Variants in HHAT observed in about 807,000 individuals in gnomAD.
HHAT encodes the protein protein-cysteine N-palmitoyltransferase HHAT.
A neutral mutation model predicts 70.8 loss-of-function variants in HHAT; 47 were observed. The observed-to-expected ratio is 0.66, with a 90% CI of 0.53 to 0.85. The LOEUF (loss-of-function observed/expected upper bound fraction) is 0.85, where lower values mean the gene tolerates loss of function less well. HHAT is among the 40% of genes least tolerant of loss of function. The pLI is 0.00. For missense variants in HHAT, 609 were observed against 604.8 expected, an observed-to-expected ratio of 1.01 and a Z score of -0.07; for synonymous variants, 228 against 247.6, an observed-to-expected ratio of 0.92 and a Z score of 0.74.
chr1:210,343,795 C>G (rs76947596), intron 1 of HHAT, among the ~76,000 whole-genome samples: 133 of 152,158 alleles, frequency 8.7e-4, no homozygotes, highest in Admixed American at 1.4e-3. Flanking sequence ...TCCAGATGCA[C>G]GTAGGATGGG....
At chr1:210,440,969 C>T (rs12749416) in intron 7 of HHAT, among the ~76,000 whole-genome samples, 18,335 of 152,200 alleles carry the variant, frequency 0.12, 1,182 homozygotes, top group Non-Finnish European at 0.14. Context: ...CTCATAGAAT[C>T]ACAGGGCTCT....
intron 11 of HHAT, among the ~76,000 whole-genome samples, chr1:210,633,300 G>A (rs1671233557): frequency 6.6e-6 from 1 of 152,242 alleles, no homozygotes; most frequent in Admixed American, 6.5e-5. Flanking sequence ...AGACTTTGCT[G>A]TCTGGGCATG....
intron 7 of HHAT, among the ~76,000 whole-genome samples, chr1:210,446,724 C>T (rs576955612): frequency 6.6e-6 from 1 of 152,344 alleles, no homozygotes; most frequent in African/African-American, 2.4e-5. Context: ...TCTTGCCTTT[C>T]GTCATCATAT....
intron 11 of HHAT, among the ~76,000 whole-genome samples, chr1:210,657,283 G>C (rs945716796): frequency 2.6e-5 from 4 of 152,212 alleles, no homozygotes; most frequent in African/African-American, 4.8e-5. Flanking sequence ...CCTGGATGAA[G>C]AGCAGCAGCT....
At chr1:210,493,762 TA>T (rs2094587858) in intron 8 of HHAT, among the ~76,000 whole-genome samples, 1 of 152,182 alleles carries the variant, frequency 6.6e-6, no homozygotes, top group Non-Finnish European at 1.5e-5. Context: ...CCCATTTGGT[TA>T]CAGTCATAAT....
intron 9 of HHAT, among the ~76,000 whole-genome samples, chr1:210,520,054 C>T (rs1202770185): frequency 6.6e-6 from 1 of 151,576 alleles, no homozygotes. Flanking sequence ...CTCACTCTAT[C>T]ACCCAGACTG....
intron 8 of HHAT, among the ~76,000 whole-genome samples, chr1:210,489,337 G>A (rs1174462569): frequency 1.3e-5 from 2 of 152,142 alleles, no homozygotes; most frequent in African/African-American, 2.4e-5. Context: ...CTGGAGACAG[G>A]GCTAAGCTGG....
chr1:210,561,156 C>T (rs962126546), intron 9 of HHAT, among the ~76,000 whole-genome samples: 1 of 152,124 alleles, frequency 6.6e-6, no homozygotes, highest in African/African-American at 2.4e-5. Flanking sequence ...TGGCCTGTAC[C>T]CTTGACCTTC....
At chr1:210,650,683 G>A (rs1408048225) in intron 11 of HHAT, among the ~76,000 whole-genome samples, 2 of 152,102 alleles carry the variant, frequency 1.3e-5, no homozygotes, top group African/African-American at 2.4e-5. Context: ...TGGATAGAAG[G>A]TATATTTAAT....
At chr1:210,566,093 C>CCAACTAGATAGA (rs965275145) in intron 9 of HHAT, among the ~76,000 whole-genome samples, 3 of 152,278 alleles carry the variant, frequency 2.0e-5, no homozygotes, top group African/African-American at 7.2e-5. Flanking sequence ...TTATCTAGAT[C>CCAACTAGATAGA]TGCCATGCTT....
intron 7 of HHAT, among the ~76,000 whole-genome samples, chr1:210,438,372 T>A (rs569621279): frequency 6.6e-6 from 1 of 151,784 alleles, no homozygotes; most frequent in Non-Finnish European, 1.5e-5. Context: ...TACATACATA[T>A]CACCTCCAAA....
At chr1:210,603,198 C>T (rs1664672495) in intron 10 of HHAT, among the ~76,000 whole-genome samples, 1 of 152,148 alleles carries the variant, frequency 6.6e-6, no homozygotes, top group African/African-American at 2.4e-5. Flanking sequence ...CTTATACCTT[C>T]TCCCTGCTTA....
At chr1:210,555,281 C>T (rs141626901) in intron 9 of HHAT, among the ~76,000 whole-genome samples, 245 of 152,288 alleles carry the variant, frequency 1.6e-3, no homozygotes, top group African/African-American at 5.8e-3. Context: ...TCACCCTGAC[C>T]CCTCGCTGTG....
At chr1:210,662,683 C>G (rs925897132) in intron 11 of HHAT, among the ~76,000 whole-genome samples, 28 of 150,798 alleles carry the variant, frequency 1.9e-4, no homozygotes, top group Admixed American at 1.7e-3. Context: ...TTCAGCACCC[C>G]TTCTGCTTGT....
intron 1 of HHAT, among the ~76,000 whole-genome samples, chr1:210,343,653 G>A (rs967957626): frequency 2.0e-5 from 3 of 152,160 alleles, no homozygotes; most frequent in East Asian, 1.9e-4. Context: ...TGAGGAAGAG[G>A]CACCGGGCTG....
At chr1:210,626,951 T>C (rs1224227064) in intron 11 of HHAT, among the ~76,000 whole-genome samples, 2 of 152,320 alleles carry the variant, frequency 1.3e-5, no homozygotes, top group Middle Eastern at 3.4e-3. Flanking sequence ...CTGGGACACA[T>C]GATCAGTTCC....
chr1:210,542,290 A>G lies in HHAT; in HGVS notation c.1043+29102A>G, dbSNP rs1041550289. On this transcript the variant is annotated intron_variant, in intron 9 of 11. Coordinates refer to ENST00000261458, the MANE Select transcript of HHAT (RefSeq NM_018194.6). ...TGGGAGGTTGGCCTCCAACTGCCCA[A>G]ATTTCTTGCTGTCACCTAAACTGTT... Among the ~76,000 whole-genome samples the G allele has an allele frequency of 1.3e-5, 2 of 152,034 alleles. 1 individual carries two copies. Among genetic ancestry groups the G allele is most frequent in the South Asian group, 4.2e-4 (2 of 4,816 alleles).
intron 7 of HHAT, among the ~76,000 whole-genome samples, chr1:210,435,277 C>T (rs768210665): frequency 2.6e-5 from 4 of 151,902 alleles, no homozygotes; most frequent in Admixed American, 1.3e-4. Context: ...CCTCCAATTC[C>T]ATTCATGTTT....
intron 9 of HHAT, among the ~76,000 whole-genome samples, chr1:210,545,351 C>T (rs61828128): frequency 0.013 from 1,922 of 152,114 alleles, 15 homozygotes; most frequent in Non-Finnish European, 0.02. Context: ...CAAGCTATTC[C>T]ATCTGCTTAG....
Sources: gnomAD v4.1 joint callset for allele counts (sites outside exome capture counted in the v4.1 genomes callset) on GRCh38, gnomAD v4.1.1 for gene constraint, MANE v1.5 for transcripts, NCBI Gene and HGNC (gene_info 2026-07-23, HGNC 2026-07-21) for gene names.